Variants in ABCC11 observed in about 807,000 individuals in gnomAD.
The protein encoded by ABCC11 is ATP-binding cassette sub-family C member 11.
In ABCC11, 135 loss-of-function variants were observed where a neutral mutation model predicts 149.3. That is an observed-to-expected ratio of 0.90 (90% CI 0.79 to 1.04). The LOEUF (loss-of-function observed/expected upper bound fraction) is 1.04, where lower values mean the gene tolerates loss of function less well. Ranked by LOEUF, ABCC11 falls within the 50% of genes least tolerant of loss-of-function variation. The pLI, the probability that ABCC11 is intolerant of heterozygous loss-of-function variation, is 0.00. For missense variants in ABCC11, 1,680 were observed against 1,722.1 expected (o/e 0.98, Z 0.43); for synonymous variants, 665 against 671.4 (o/e 0.99, Z 0.15).
At chr16:48,222,307 A>G (rs2150895617) in intron 6 of ABCC11, among the ~76,000 whole-genome samples, 1 of 152,206 alleles carries the variant, frequency 6.6e-6, no homozygotes, top group South Asian at 2.1e-4. Context: ...TGAACTCCTG[A>G]CTTAAACAAT....
chr16:48,222,629 A>G lies in ABCC11; in HGVS notation c.746T>C (p.Phe249Ser), dbSNP rs1969820314. Residue 249 changes from phenylalanine (F) to serine (S), a missense_variant, in exon 6 of 30, where the codon TTT becomes TCT. By Grantham distance (155) the Phe-to-Ser change is radical. Transcript: ENST00000356608. The part of the protein sequence containing the change: ...SSFAFEKLIQ[F>S]KSVIHITSGE... ...TGAGGTGATGTGTATTACAGACTTA[A>G]ATTGGATGAGCTTCTCAAAGGCAAA... 2 of 1,614,168 alleles carry G rather than the reference A, an allele frequency of 1.2e-6. No homozygotes were observed. Among genetic ancestry groups the G allele is most frequent in the Admixed American group, 1.7e-5 (1 of 60,022 alleles).
chr16:48,201,707 A>G (rs1258837392), intron 14 of ABCC11, among the ~76,000 whole-genome samples: 2 of 152,048 alleles, frequency 1.3e-5, no homozygotes, highest in East Asian at 3.9e-4. Context: ...GCACCCACTC[A>G]ACAGACCAGA....
chr16:48,237,337 C>CT (rs1166930697), intron 1 of ABCC11, among the ~76,000 whole-genome samples: 2 of 152,222 alleles, frequency 1.3e-5, no homozygotes, highest in African/African-American at 4.8e-5. Context: ...CTCAACCTCT[C>CT]TCCAGGCCCT....
chr16:48,204,274 G>A (rs532391446), intron 13 of ABCC11, among the ~76,000 whole-genome samples: 68 of 152,332 alleles, frequency 4.5e-4, no homozygotes, highest in Non-Finnish European at 7.5e-4. Flanking sequence ...CAAGATGAGA[G>A]CTGGGACTTA....
intron 1 of ABCC11, among the ~76,000 whole-genome samples, chr16:48,233,132 T>C (rs1392713709): frequency 1.3e-5 from 2 of 152,104 alleles, no homozygotes; most frequent in Non-Finnish European, 1.5e-5. Flanking sequence ...TCCTGGAAGG[T>C]GGAAGTTGCA....
chr16:48,235,649 C>G (rs186712741), intron 1 of ABCC11, among the ~76,000 whole-genome samples: 24 of 152,342 alleles, frequency 1.6e-4, no homozygotes, highest in African/African-American at 5.8e-4. Context: ...GTCCCGGAAG[C>G]ATTCCCTGGA....
chr16:48,196,801 C>T (rs1231124821), intron 17 of ABCC11, among the ~76,000 whole-genome samples: 1 of 152,184 alleles, frequency 6.6e-6, no homozygotes, highest in African/African-American at 2.4e-5. Flanking sequence ...GGACTCTTGG[C>T]CTTGAGCTTG....
chr16:48,165,102 G>A (rs994582762), downstream of ABCC11: 1 of 152,078 alleles, frequency 6.6e-6, no homozygotes, highest in Non-Finnish European at 1.5e-5. Context: ...GCCTGGGGAG[G>A]GCCAGTGTGT....
At chr16:48,179,840 G>C (rs1325576866) in intron 23 of ABCC11, among the ~76,000 whole-genome samples, 2 of 152,204 alleles carry the variant, frequency 1.3e-5, no homozygotes, top group Admixed American at 1.3e-4. Context: ...GTTCCAAACA[G>C]AACAGCCTAT....
At chr16:48,195,274 G>A (rs1967293530) in intron 18 of ABCC11, among the ~76,000 whole-genome samples, 1 of 152,168 alleles carries the variant, frequency 6.6e-6, no homozygotes, top group African/African-American at 2.4e-5. Context: ...ACAGTGCCTG[G>A]AACATAGCAG....
At chr16:48,225,861 T>C (rs1427048871) in intron 4 of ABCC11, among the ~76,000 whole-genome samples, 1 of 152,194 alleles carries the variant, frequency 6.6e-6, no homozygotes, top group African/African-American at 2.4e-5. Context: ...TATAGTGAGA[T>C]CTCATCTTTA....
chr16:48,182,092 A>G (rs1174089375), intron 23 of ABCC11, among the ~76,000 whole-genome samples: 2 of 152,154 alleles, frequency 1.3e-5, no homozygotes, highest in Non-Finnish European at 2.9e-5. Context: ...CTCAACGAGG[A>G]GTGAGATGGA....
At chr16:48,244,678 G>A (rs1971247529) in intron 1 of ABCC11, 3 of 1,225,716 alleles carry the variant, frequency 2.4e-6, no homozygotes, top group Admixed American at 4.2e-5. Flanking sequence ...CCGGGGACCT[G>A]GGCCCAGGCC....
At chr16:48,239,138 G>T (rs141614684) in intron 1 of ABCC11, among the ~76,000 whole-genome samples, 2,276 of 152,104 alleles carry the variant, frequency 0.015, 66 homozygotes, top group African/African-American at 0.053. Flanking sequence ...ATGGGGAAAG[G>T]ATTCCCAATT....
chr16:48,191,137 C>A (rs1188913781), intron 20 of ABCC11, among the ~76,000 whole-genome samples: 5 of 152,116 alleles, frequency 3.3e-5, no homozygotes, highest in Admixed American at 2.6e-4. Context: ...AAAGAATGCA[C>A]CATAAGGTGA....
chr16:48,190,707 A>C (rs539851148), intron 20 of ABCC11, among the ~76,000 whole-genome samples: 9 of 152,284 alleles, frequency 5.9e-5, no homozygotes, highest in African/African-American at 1.9e-4. Flanking sequence ...CAACTTTAAC[A>C]TATGTGAGAT....
intron 1 of ABCC11, chr16:48,244,528 T>C (rs1440106680): frequency 1.3e-6 from 2 of 1,580,668 alleles, no homozygotes; most frequent in Admixed American, 3.6e-5. Context: ...AGCCGCCTTC[T>C]GAAGGGCACG....
In ABCC11 at chr16:48,230,606, C is replaced by T. The variant is rs772959809; in HGVS notation, c.100-33G>A. On this transcript the variant is annotated intron_variant, in intron 2 of 29. Coordinates refer to ENST00000356608, the MANE Select transcript of ABCC11 (RefSeq NM_001370497.1). The stretch of plus-strand genomic sequence containing the variant: ...AAGAAAAACAAAAGAGCATCAGTTT[C>T]AAATCTCGTAAATTCTGTCCTGAGG... 39 of 1,523,844 alleles carry T rather than the reference C, an allele frequency of 2.6e-5. No homozygotes were observed. In the East Asian group the frequency reaches 8.6e-4, roughly 33 times the overall value. The allele number at this position is 1,523,844 out of a possible 1,614,324, so 94.4% of individuals were successfully genotyped here.
chr16:48,182,544 C>A (rs1177259597), intron 23 of ABCC11, among the ~76,000 whole-genome samples: 1 of 152,082 alleles, frequency 6.6e-6, no homozygotes, highest in Non-Finnish European at 1.5e-5. Context: ...CTTTGAGAGG[C>A]CAAAGTGGGT....
Sources: allele counts gnomAD v4.1 joint callset (sites outside exome capture counted in the v4.1 genomes callset), GRCh38; gene constraint gnomAD v4.1.1; transcripts MANE v1.5; gene names NCBI Gene and HGNC (gene_info 2026-07-23, HGNC 2026-07-21).